Variants in SORCS2 observed in about 807,000 individuals in gnomAD.
SORCS2 encodes the protein VPS10 domain-containing receptor SorCS2.
In SORCS2, 100 loss-of-function variants were observed where a neutral mutation model predicts 141.6. The ratio of observed to expected loss-of-function variants is 0.71; its 90% confidence interval spans 0.60 to 0.83. The LOEUF is 0.83. SORCS2 is among the 40% of genes least tolerant of loss of function. The pLI is 0.00. For missense variants in SORCS2, 1,646 were observed against 1,560.2 expected, an observed-to-expected ratio of 1.05 and a Z score of -0.93; for synonymous variants, 789 against 676.9, an observed-to-expected ratio of 1.17 and a Z score of -2.57.
intron 1 of SORCS2, among the ~76,000 whole-genome samples, chr4:7,366,767 C>A (rs4082662): frequency 0.52 from 79,473 of 151,812 alleles, 21,413 homozygotes; most frequent in Non-Finnish European, 0.6. Context: ...TGTCTACCCC[C>A]CCAACCCCCA....
intron 1 of SORCS2, among the ~76,000 whole-genome samples, chr4:7,243,920 G>A (rs905401753): frequency 1.3e-5 from 2 of 151,446 alleles, no homozygotes; most frequent in East Asian, 2.0e-4. Flanking sequence ...GGCCTGGCCC[G>A]ATGGTGGGAT....
intron 2 of SORCS2, among the ~76,000 whole-genome samples, chr4:7,474,158 C>T (rs918454858): frequency 1.3e-5 from 2 of 152,156 alleles, no homozygotes; most frequent in East Asian, 1.9e-4. Context: ...ACCTGCTCAG[C>T]GCTCAGTAGA....
intron 2 of SORCS2, among the ~76,000 whole-genome samples, chr4:7,472,949 G>A (rs1193259627): frequency 4.0e-5 from 6 of 151,788 alleles, no homozygotes; most frequent in Non-Finnish European, 5.9e-5. Flanking sequence ...CCTGGAGACC[G>A]TTACTGTCAA....
chr4:7,532,132 G>A (rs1407755365), intron 3 of SORCS2, among the ~76,000 whole-genome samples: 1 of 152,120 alleles, frequency 6.6e-6, no homozygotes, highest in Non-Finnish European at 1.5e-5. Context: ...AGGAGAGAGG[G>A]GTCTTTCCGA....
At chr4:7,605,964 G>C (rs988242779) in intron 3 of SORCS2, among the ~76,000 whole-genome samples, 3 of 152,202 alleles carry the variant, frequency 2.0e-5, no homozygotes, top group African/African-American at 4.8e-5. Context: ...TGAAGTTACA[G>C]ATGCTGAAAG....
At chr4:7,295,589 C>G (rs1459643689) in intron 1 of SORCS2, among the ~76,000 whole-genome samples, 1 of 152,212 alleles carries the variant, frequency 6.6e-6, no homozygotes, top group Non-Finnish European at 1.5e-5. Flanking sequence ...GGGGGCTGGA[C>G]TCCAGCCTCA....
intron 9 of SORCS2, among the ~76,000 whole-genome samples, chr4:7,677,988 G>A (rs1723274710): frequency 1.3e-5 from 2 of 152,202 alleles, no homozygotes; most frequent in Admixed American, 6.5e-5. Context: ...AGGGTGGGGT[G>A]GGACTCCACG....
At chr4:7,393,510 G>A (rs563492887) in intron 1 of SORCS2, among the ~76,000 whole-genome samples, 1 of 152,320 alleles carries the variant, frequency 6.6e-6, no homozygotes, top group Admixed American at 6.5e-5. Flanking sequence ...CAAGCTTGAC[G>A]TCGAATTGCC....
At chr4:7,455,804 T>C (rs954717171) in intron 2 of SORCS2, among the ~76,000 whole-genome samples, 1 of 151,988 alleles carries the variant, frequency 6.6e-6, no homozygotes, top group Admixed American at 6.6e-5. Context: ...GACGCAGTGT[T>C]AGGGTCAGGC....
chr4:7,476,236 G>A (rs999637333), intron 2 of SORCS2, among the ~76,000 whole-genome samples: 3 of 152,234 alleles, frequency 2.0e-5, no homozygotes, highest in South Asian at 4.1e-4. Context: ...TCGATAGACA[G>A]ATATACACAT....
chr4:7,635,104 G>T (rs1292083737), intron 3 of SORCS2, among the ~76,000 whole-genome samples: 2 of 152,232 alleles, frequency 1.3e-5, no homozygotes, highest in African/African-American at 4.8e-5. Flanking sequence ...GCTGATGCTG[G>T]CATCCTCCTC....
intron 2 of SORCS2, among the ~76,000 whole-genome samples, chr4:7,503,601 G>C (rs565266925): frequency 6.6e-6 from 1 of 152,314 alleles, no homozygotes; most frequent in East Asian, 1.9e-4. Flanking sequence ...AACAGTAACA[G>C]CTGGAGAGGG....
intron 1 of SORCS2, among the ~76,000 whole-genome samples, chr4:7,340,183 G>A (rs1403913289): frequency 6.6e-6 from 1 of 152,198 alleles, no homozygotes; most frequent in Non-Finnish European, 1.5e-5. Flanking sequence ...TGAAAGGCCC[G>A]AGGCCCCACA....
intron 1 of SORCS2, among the ~76,000 whole-genome samples, chr4:7,308,654 G>A (rs1717990086): frequency 6.6e-6 from 1 of 152,068 alleles, no homozygotes; most frequent in Non-Finnish European, 1.5e-5. Flanking sequence ...GCCACCCACA[G>A]CTCCTTGCCC....
intron 1 of SORCS2, among the ~76,000 whole-genome samples, chr4:7,209,127 C>G (rs1029884483): frequency 6.6e-6 from 1 of 152,260 alleles, no homozygotes; most frequent in African/African-American, 2.4e-5. Context: ...GGACACTGAA[C>G]TGGCCTTGTT....
At chr4:7,687,618 G>A (rs1723959644) in intron 10 of SORCS2, among the ~76,000 whole-genome samples, 1 of 152,074 alleles carries the variant, frequency 6.6e-6, no homozygotes, top group Non-Finnish European at 1.5e-5. Flanking sequence ...CACTGGGGAT[G>A]GTCTCAGTCC....
Position 7,682,828 on chromosome 4 carries a change from A to T in SORCS2, c.1427A>T (p.Asp476Val). The T allele has an allele frequency of 1.9e-6, 3 of 1,613,306 alleles. No homozygotes were observed. The highest frequency in any genetic ancestry group is 2.5e-6 in the Non-Finnish European group (3 of 1,179,606). ...MTLITYNKGR[D>V]WDYLRPPSMD... is the part of the protein sequence containing the mutation. ...CTTATAACCTACAACAAGGGCCGCG[A>T]CTGGGATTACCTGAGGCCACCCAGC... is the stretch of plus-strand genomic sequence containing the variant. Residue 476 changes from aspartate (D) to valine (V), a missense_variant, in exon 10 of 27, where the codon GAC becomes GTC. By Grantham distance (152) the Asp-to-Val change is radical. Transcript: ENST00000507866.
At chr4:7,339,234 C>T in intron 1 of SORCS2, among the ~76,000 whole-genome samples, 1 of 152,194 alleles carries the variant, frequency 6.6e-6, no homozygotes, top group East Asian at 1.9e-4. Flanking sequence ...GGAACCAAGG[C>T]TTTCTCTTTG....
chr4:7,627,420 G>C (rs1479402645), intron 3 of SORCS2, among the ~76,000 whole-genome samples: 1 of 152,188 alleles, frequency 6.6e-6, no homozygotes, highest in Non-Finnish European at 1.5e-5. Flanking sequence ...GCATCAGTCT[G>C]CTTGCCTCCC....
Sources: gnomAD v4.1 joint callset for allele counts (sites outside exome capture counted in the v4.1 genomes callset) on GRCh38, gnomAD v4.1.1 for gene constraint, MANE v1.5 for transcripts, NCBI Gene and HGNC (gene_info 2026-07-23, HGNC 2026-07-21) for gene names.